Variants in TMEM62 observed in about 807,000 individuals in gnomAD.
TMEM62 encodes transmembrane protein 62.
A neutral mutation model predicts 70.4 loss-of-function variants in TMEM62; 41 were observed. The ratio of observed to expected loss-of-function variants is 0.58; its 90% CI spans 0.45 to 0.76. The LOEUF is 0.76. TMEM62 is among the 30% of genes least tolerant of loss of function. The pLI is 0.00. For synonymous variants in TMEM62, 268 were observed against 291.0 expected (o/e 0.92, Z 0.80); for missense variants, 688 against 788.5 (o/e 0.87, Z 1.53).
chr15:43,133,771 C>G lies in TMEM62; in HGVS notation c.-32C>G. ...AGCGCCGCGCGGTCCTGCGCGGGATCAGCGAGGGCCGCGCCCCGGCGGGCG... is the reference window on the plus strand; with the variant it reads ...AGCGCCGCGCGGTCCTGCGCGGGATGAGCGAGGGCCGCGCCCCGGCGGGCG... On this transcript the variant is annotated 5_prime_UTR_variant, in exon 1 of 14. In the 5' UTR this introduces an upstream ATG that the reference lacks. Transcript: ENST00000260403. The G allele has an allele frequency of 7.5e-7, 1 of 1,333,258 alleles. No homozygotes were observed. Among genetic ancestry groups the G allele is most frequent in the Non-Finnish European group, 9.5e-7 (1 of 1,049,098 alleles). 82.6% of individuals were successfully genotyped at this position (1,333,258 alleles called of 1,614,324 possible). A position where few individuals can be genotyped will look rare whatever the true frequency, so the allele number is the denominator to read the frequency against.
At chr15:43,142,050 A>C (rs1465303889) in intron 4 of TMEM62, among the ~76,000 whole-genome samples, 2 of 152,254 alleles carry the variant, frequency 1.3e-5, no homozygotes, top group Non-Finnish European at 2.9e-5. Context: ...AAATGACAAC[A>C]AAGGATTTAG....
intron 13 of TMEM62, 123 bp downstream of exon 13, chr15:43,181,422 C>T: frequency 1.4e-6 from 1 of 690,386 alleles, no homozygotes; most frequent in East Asian, 2.5e-5. Flanking sequence ...ACTTTACTTG[C>T]AGGGCAGTCT....
At chr15:43,173,794 A>G (rs892456642) in intron 11 of TMEM62, among the ~76,000 whole-genome samples, 6 of 151,444 alleles carry the variant, frequency 4.0e-5, no homozygotes, top group African/African-American at 7.3e-5. Flanking sequence ...TTTGCTTTAT[A>G]TAACCACTTC....
intron 13 of TMEM62, among the ~76,000 whole-genome samples, chr15:43,182,231 G>A (rs2041402177): frequency 6.6e-6 from 1 of 152,054 alleles, no homozygotes; most frequent in African/African-American, 2.4e-5. Context: ...TGGAGTTAGT[G>A]GACCAAAATT....
At chr15:43,163,893 C>A (rs997712532) in intron 10 of TMEM62, among the ~76,000 whole-genome samples, 1 of 152,182 alleles carries the variant, frequency 6.6e-6, no homozygotes, top group African/African-American at 2.4e-5. Flanking sequence ...GGTCCAGGAT[C>A]TTACTTTGAG....
intron 8 of TMEM62, 27 bp from the exon 9 acceptor site, chr15:43,154,645 T>C: frequency 7.0e-6 from 11 of 1,576,976 alleles, no homozygotes; most frequent in Non-Finnish European, 9.4e-6. Flanking sequence ...CCTCAAACCA[T>C]GTGTTTTATA....
rs2041693402 is a variant in TMEM62 at position 43,184,383 on chromosome 15, C to T, written c.1729C>T (p.Leu577=). ...ATACTTGAAAATTATGCCTGTTCAC[C>T]TACTTATGCTACTGCTGTACATCTG... The part of the protein sequence containing the change: ...RKYLKIMPVH[L]LMLLLYIWQV... Residue 577 remains leucine, a synonymous_variant, in exon 14 of 14, where the codon CTA becomes TTA. Transcript: ENST00000260403. The T allele has an allele frequency of 1.2e-6, 2 of 1,614,092 alleles. No homozygotes were observed. The highest frequency in any genetic ancestry group is 1.7e-6 in the Non-Finnish European group (2 of 1,180,046).
At chr15:43,174,528 A>G (rs2040536182) in intron 11 of TMEM62, among the ~76,000 whole-genome samples, 1 of 152,220 alleles carries the variant, frequency 6.6e-6, no homozygotes, top group African/African-American at 2.4e-5. Flanking sequence ...GGGGGCTCTC[A>G]ATATTTTTAT....
chr15:43,146,706 T>G (rs937991329), intron 5 of TMEM62, 72 bp downstream of exon 5: 24 of 1,312,876 alleles, frequency 1.8e-5, no homozygotes, highest in Admixed American at 1.1e-4. Flanking sequence ...CACTTAAAGT[T>G]ATCAAAAGTA....
At chr15:43,184,189 C>CTAAT (rs2041670590) in intron 13 of TMEM62, 71 bp from the exon 14 acceptor site, 1 of 1,300,614 alleles carries the variant, frequency 7.7e-7, no homozygotes, top group South Asian at 1.4e-5. Flanking sequence ...TTAGGATCCA[C>CTAAT]TAATAATGCA....
chr15:43,134,194 C>A, intron 1 of TMEM62, 63 bp from the exon 2 acceptor site: 1 of 1,555,280 alleles, frequency 6.4e-7, no homozygotes, highest in Non-Finnish European at 8.8e-7. Context: ...GCCGCTGAGC[C>A]GCCCCTCCCC....
chr15:43,172,238 G>A (rs1000164823), intron 11 of TMEM62, among the ~76,000 whole-genome samples: 16 of 152,054 alleles, frequency 1.1e-4, no homozygotes, highest in Admixed American at 5.2e-4. Context: ...TTAATATAAT[G>A]TAACTTTAGG....
At position 43,144,621 on chromosome 15, in the gene TMEM62, A is replaced by G. The variant is rs1349326637; in HGVS notation, c.477-1872A>G. ...AGTTCTTGGATATGGAGATGGTGAC[A>G]TCAATTTGAGGATGATAGGTCAAAA... On this transcript the variant is annotated intron_variant, in intron 4 of 13. Coordinates refer to ENST00000260403, the MANE Select transcript of TMEM62 (RefSeq NM_024956.4). 3.3e-5 allele frequency among the ~76,000 whole-genome samples: 5 copies of G among 152,238 alleles called. No individual in the cohort carries two copies. In the East Asian group the frequency reaches 9.6e-4, roughly 29 times the overall value.
At chr15:43,134,435 T>G (rs2034909662) in intron 2 of TMEM62, 67 bp downstream of exon 2, 3 of 1,321,690 alleles carry the variant, frequency 2.3e-6, no homozygotes, top group Non-Finnish European at 3.2e-6. Context: ...GCCAGGGCTG[T>G]GGCTTTTCAT....
intron 10 of TMEM62, 101 bp from the exon 11 acceptor site, chr15:43,169,492 C>T: frequency 1.0e-6 from 1 of 983,354 alleles, no homozygotes; most frequent in Non-Finnish European, 1.6e-6. Flanking sequence ...ATCACAGTAT[C>T]ACAGATGCCA....
intron 13 of TMEM62, 140 bp from the exon 14 acceptor site, chr15:43,184,120 T>C: frequency 2.8e-6 from 2 of 703,768 alleles, no homozygotes; most frequent in South Asian, 3.8e-5. Context: ...AGCTGTTGTG[T>C]TATAAGCAAC....
In TMEM62 at chr15:43,134,238, C is replaced by T. The variant is rs769122180; in HGVS notation, c.181-19C>T. ...TCTTCCTGGCTCAGATCTCTCTGTTCAATACCTGTTTTCGGCAGATATCCG... is the reference window on the plus strand; with the variant it reads ...TCTTCCTGGCTCAGATCTCTCTGTTTAATACCTGTTTTCGGCAGATATCCG... On this transcript the variant is annotated intron_variant, in intron 1 of 13. Coordinates refer to ENST00000260403, the MANE Select transcript of TMEM62 (RefSeq NM_024956.4). 3 of 1,609,974 alleles carry T rather than the reference C, an allele frequency of 1.9e-6. No homozygotes were observed. Among genetic ancestry groups the T allele is most frequent in the Non-Finnish European group, 2.6e-6 (3 of 1,176,418 alleles).
At chr15:43,181,326 A>C (rs1397308652) in intron 13 of TMEM62, 27 bp downstream of exon 13, 5 of 1,455,670 alleles carry the variant, frequency 3.4e-6, no homozygotes, top group Non-Finnish European at 3.9e-6. Context: ...GCAATTTAAG[A>C]ACATCTTGGA....
In TMEM62 at chr15:43,167,851, C is replaced by T. The variant is rs1004242472; in HGVS notation, c.1297-1742C>T. ...TGGGCACCATTGAGCACTGAGTGAACGAGACTCCGTCTGCAATCCCGGCAC... is the reference window on the plus strand; with the variant it reads ...TGGGCACCATTGAGCACTGAGTGAATGAGACTCCGTCTGCAATCCCGGCAC... On this transcript the variant is annotated intron_variant, in intron 10 of 13. Transcript: ENST00000260403. Among the ~76,000 whole-genome samples the T allele has an allele frequency of 2.6e-5, 4 of 152,282 alleles. No individual in the cohort carries two copies. In the South Asian group the frequency reaches 6.2e-4, roughly 24 times the overall value.
Sources: gnomAD v4.1 joint callset for allele counts (sites outside exome capture counted in the v4.1 genomes callset) on GRCh38, gnomAD v4.1.1 for gene constraint, MANE v1.5 for transcripts, NCBI Gene and HGNC (gene_info 2026-07-23, HGNC 2026-07-21) for gene names.